SV2B: variants seen among roughly 807,000 people sequenced by gnomAD.
SV2B encodes the protein solute carrier family 22 member B2.
SV2B carries 41 observed loss-of-function variants against 73.9 expected under a neutral mutation model. The observed-to-expected ratio is 0.56, with a 90% confidence interval of 0.43 to 0.72. The LOEUF is 0.72. SV2B is among the 30% of genes least tolerant of loss of function. The pLI, the probability that SV2B is intolerant of heterozygous loss-of-function variation, is 0.00. For missense variants in SV2B, 764 were observed against 857.8 expected (o/e 0.89, Z 1.37); for synonymous variants, 314 against 314.2 (o/e 1.00, Z 0.01).
Position 91,253,513 on chromosome 15 carries a change from T to C in SV2B, c.784+993T>C, listed in dbSNP as rs1303559963. Among the ~76,000 whole-genome samples the C allele has an allele frequency of 6.6e-6, 1 of 152,262 alleles. No homozygotes were observed. Among genetic ancestry groups the C allele is most frequent in the Non-Finnish European group, 1.5e-5 (1 of 68,038 alleles). ...GGTGTTGGACACTGGGTACATTACC[T>C]TGACAAGCTGATAAACCCTGAAATC... On this transcript the variant is annotated intron_variant, in intron 4 of 12. Coordinates refer to ENST00000394232, the MANE Select transcript of SV2B (RefSeq NM_001323032.3). This position sits in a 1 kb window ranked among gnomAD's most constrained non-coding sequence, Gnocchi z 5.0.
chr15:91,200,527 T>C (rs1326667248), intron 1 of SV2B, among the ~76,000 whole-genome samples: 2 of 152,130 alleles, frequency 1.3e-5, no homozygotes. Context: ...ATGGTTGTGG[T>C]CAGTGGTAGC....
At chr15:91,167,188 G>A (rs1230707448) in intron 1 of SV2B, among the ~76,000 whole-genome samples, 34 of 152,058 alleles carry the variant, frequency 2.2e-4, no homozygotes, top group Admixed American at 2.2e-3. Flanking sequence ...TATGGAATAT[G>A]GTTACAGTAG....
intron 1 of SV2B, among the ~76,000 whole-genome samples, chr15:91,158,635 TC>T (rs1567300345): frequency 0.14 from 5,555 of 39,780 alleles, 1,481 homozygotes; most frequent in African/African-American, 0.39. Flanking sequence ...TTATTTTCCC[TC>T]TTCTCTTCTC....
chr15:91,191,063 CTTTTTTTT>C (rs59849012), intron 1 of SV2B, among the ~76,000 whole-genome samples: 8 of 64,238 alleles, frequency 1.2e-4, no homozygotes, highest in Non-Finnish European at 2.2e-4. Flanking sequence ...TTTGGTGTTT[CTTTTTTTT>C]TTTTTTTTTT....
chr15:91,259,302 G>A (rs1325261724), intron 5 of SV2B, among the ~76,000 whole-genome samples: 1 of 152,048 alleles, frequency 6.6e-6, no homozygotes, highest in Non-Finnish European at 1.5e-5. Flanking sequence ...CCAACAGCAG[G>A]GGAACCTCCT....
At chr15:91,272,982 G>C (rs2048367193) in intron 9 of SV2B, among the ~76,000 whole-genome samples, 1 of 151,852 alleles carries the variant, frequency 6.6e-6, no homozygotes, top group African/African-American at 2.4e-5. Context: ...ACAGGCGCGT[G>C]CCACCATGCC....
rs16974233 is a variant in SV2B at position 91,122,455 on chromosome 15, C to T, written c.-392+22092C>T. On this transcript the variant is annotated intron_variant, in intron 1 of 12. Coordinates refer to ENST00000394232, the MANE Select transcript of SV2B (RefSeq NM_001323032.3). This position sits in a 1 kb window ranked among gnomAD's most constrained non-coding sequence, Gnocchi z 4.3. The stretch of plus-strand genomic sequence containing the variant: ...TCAGCTTTCTCCTGCTGGGTTGACT[C>T]TCTGATCCCTATGCCTTGTAAGCCA... 6.6e-6 allele frequency among the ~76,000 whole-genome samples: 1 copy of T among 152,288 alleles called. No homozygotes were observed. The highest frequency in any genetic ancestry group is 1.9e-4 in the East Asian group (1 of 5,182).
intron 1 of SV2B, among the ~76,000 whole-genome samples, chr15:91,147,904 A>G (rs1567291083): frequency 1.3e-5 from 2 of 150,098 alleles, no homozygotes; most frequent in Non-Finnish European, 3.0e-5. Flanking sequence ...CATTTAAGAC[A>G]GGAAAAAGGA....
Position 91,197,642 on chromosome 15 carries a change from C to T in SV2B, c.-391-28231C>T, listed in dbSNP as rs1354427683. On this transcript the variant is annotated intron_variant, in intron 1 of 12. Coordinates refer to ENST00000394232, the MANE Select transcript of SV2B (RefSeq NM_001323032.3). This position sits in a 1 kb window ranked among gnomAD's most constrained non-coding sequence, Gnocchi z 4.9. Reference sequence around the variant, plus strand: ...AGTTATCCCTAGGAATACTATATAGCAGTTCAGCTACATTAATTACAACTC... The same window carrying T: ...AGTTATCCCTAGGAATACTATATAGTAGTTCAGCTACATTAATTACAACTC... Among the ~76,000 whole-genome samples, 1 of 152,108 alleles carries T rather than the reference C, an allele frequency of 6.6e-6. No homozygotes were observed. The highest frequency in any genetic ancestry group is 2.4e-5 in the African/African-American group (1 of 41,412).
intron 1 of SV2B, among the ~76,000 whole-genome samples, chr15:91,189,389 A>G (rs1010077380): frequency 3.3e-5 from 5 of 152,152 alleles, no homozygotes; most frequent in Non-Finnish European, 5.9e-5. Context: ...TGTATTTTAT[A>G]TACATAAATG....
At chr15:91,133,374 C>G (rs2042715515) in intron 1 of SV2B, among the ~76,000 whole-genome samples, 1 of 151,976 alleles carries the variant, frequency 6.6e-6, no homozygotes, top group African/African-American at 2.4e-5. Flanking sequence ...TGTGTGGGAA[C>G]TTTTTCTTCC....
At chr15:91,146,489 C>T (rs565209881) in intron 1 of SV2B, among the ~76,000 whole-genome samples, 36 of 152,022 alleles carry the variant, frequency 2.4e-4, no homozygotes, top group Admixed American at 7.8e-4. Flanking sequence ...AGAATGTCAA[C>T]GGTAGTTTAA....
chr15:91,220,211 C>T lies in SV2B; in HGVS notation c.-391-5662C>T, dbSNP rs1352984183. ...GAACTAGCTTCCAAAGGCTATTTTACATGCCCACTGTCAGTTTCTGAGGGT... is the reference window on the plus strand; with the variant it reads ...GAACTAGCTTCCAAAGGCTATTTTATATGCCCACTGTCAGTTTCTGAGGGT... On this transcript the variant is annotated intron_variant, in intron 1 of 12. Transcript: ENST00000394232. The surrounding 1 kb of genome is among the most constrained non-coding windows in gnomAD (Gnocchi z 4.1). Among the ~76,000 whole-genome samples the T allele has an allele frequency of 6.6e-6, 1 of 152,222 alleles. No homozygotes were observed. Among genetic ancestry groups the T allele is most frequent in the Non-Finnish European group, 1.5e-5 (1 of 68,042 alleles).
intron 1 of SV2B, among the ~76,000 whole-genome samples, chr15:91,186,644 A>C (rs2044782323): frequency 6.6e-6 from 1 of 152,260 alleles, no homozygotes; most frequent in African/African-American, 2.4e-5. Context: ...ATACACTTAT[A>C]AATGGAAGCT....
At chr15:91,169,064 C>G (rs2044021578) in intron 1 of SV2B, among the ~76,000 whole-genome samples, 1 of 152,054 alleles carries the variant, frequency 6.6e-6, no homozygotes, top group African/African-American at 2.4e-5. Flanking sequence ...CATTTGATGT[C>G]TGAGGTTACA....
At chr15:91,138,063 G>GTTA (rs1348554823) in intron 1 of SV2B, among the ~76,000 whole-genome samples, 12 of 152,096 alleles carry the variant, frequency 7.9e-5, no homozygotes, top group African/African-American at 2.9e-4. Context: ...CATGAAGAAA[G>GTTA]ACAAGATTTT....
At chr15:91,216,465 C>CT (rs372420934) in intron 1 of SV2B, among the ~76,000 whole-genome samples, 238 of 147,464 alleles carry the variant, frequency 1.6e-3, no homozygotes, top group African/African-American at 5.2e-3. Flanking sequence ...TCTTTCTTTT[C>CT]TTTTTTTTTT....
rs1324553243 is a variant in SV2B, at chr15:91,226,103, A to T, written c.-161A>T. On this transcript the variant is annotated 5_prime_UTR_variant, in exon 2 of 13. Coordinates refer to ENST00000394232, the MANE Select transcript of SV2B (RefSeq NM_001323032.3). ...CACAAATCTGGTTGATTTGAGAGAT[A>T]AAGGGGGGGGGAACCAGTGTGACTT... 1.5e-6 allele frequency: 1 copy of T among 680,972 alleles called. No individual in the cohort carries two copies. The highest frequency in any genetic ancestry group is 2.8e-5 in the East Asian group (1 of 36,024). The allele number at this position is 680,972 out of a possible 1,614,324, so 42.2% of individuals were successfully genotyped here.
rs2049452887 is a variant in SV2B, at chr15:91,301,820, A to G, written c.*9268A>G. Reference sequence around the variant, plus strand: ...ATTTGATATCTAAAATACTCCAGTGAGCTTTTCCTTGGAGTACACGTTGGC... The same window carrying G: ...ATTTGATATCTAAAATACTCCAGTGGGCTTTTCCTTGGAGTACACGTTGGC... On this transcript the variant is annotated 3_prime_UTR_variant, in exon 13 of 13. Transcript: ENST00000394232. The surrounding 1 kb of genome is among the most constrained non-coding windows in gnomAD (Gnocchi z 4.3). Among the ~76,000 whole-genome samples the G allele has an allele frequency of 6.6e-6, 1 of 152,212 alleles. No homozygotes were observed. The highest frequency in any genetic ancestry group is 6.5e-5 in the Admixed American group (1 of 15,280).
Sources: allele counts gnomAD v4.1 joint callset (sites outside exome capture counted in the v4.1 genomes callset), GRCh38; gene constraint gnomAD v4.1.1; non-coding constraint Gnocchi (gnomAD v3.1); transcripts MANE v1.5; gene names NCBI Gene and HGNC (gene_info 2026-07-23, HGNC 2026-07-21).